Variants in SYT12 observed in about 807,000 individuals in gnomAD.
The protein encoded by SYT12 is synaptotagmin-12.
SYT12 carries 27 observed loss-of-function variants against 39.5 expected under a neutral mutation model. The ratio of observed to expected loss-of-function variants is 0.68; its 90% confidence interval spans 0.50 to 0.94. The LOEUF is 0.94. Among genes scored for constraint, SYT12 ranks in the 40% least tolerant of loss-of-function variants. The probability of loss-of-function intolerance (pLI) is 0.00; values close to 1 mark genes in which losing one functional copy is unlikely to be tolerated. For missense variants in SYT12, 536 were observed against 572.6 expected (o/e 0.94, Z 0.65); for synonymous variants, 233 against 239.7 (o/e 0.97, Z 0.26).
At chr11:67,025,714 T>G (rs953146143) in intron 1 of SYT12, among the ~76,000 whole-genome samples, 1 of 152,094 alleles carries the variant, frequency 6.6e-6, no homozygotes, top group Non-Finnish European at 1.5e-5. Context: ...CAGCAGCACT[T>G]GCGGCTTGGT....
chr11:67,047,390 C>T (rs1326471257), intron 7 of SYT12, among the ~76,000 whole-genome samples: 1 of 150,460 alleles, frequency 6.6e-6, no homozygotes, highest in Non-Finnish European at 1.5e-5. Flanking sequence ...GCCTCAGCCT[C>T]CCGAGTAGCT....
rs531124034 is a variant in SYT12, at chr11:67,011,808, C to G, written c.-69+814C>G. Among the ~76,000 whole-genome samples the G allele has an allele frequency of 4.1e-3, 620 of 151,942 alleles. 2 individuals carry two copies. Among genetic ancestry groups the G allele is most frequent in the Non-Finnish European group, 6.2e-3 (423 of 67,934 alleles). On this transcript the variant is annotated intron_variant, in intron 3 of 10. Coordinates refer to the SYT12 transcript ENST00000393946. ...TGAGACAGAGTCTTGCTCTGTCGCC[C>G]AGGCTGGAGTGCAGTGGCACAATCT... is the stretch of plus-strand genomic sequence containing the variant.
At chr11:67,036,045 GCT>G (rs1950375305) in intron 3 of SYT12, among the ~76,000 whole-genome samples, 1 of 151,384 alleles carries the variant, frequency 6.6e-6, no homozygotes, top group Non-Finnish European at 1.5e-5. Context: ...CTCCTGAGTA[GCT>G]GGGATTACAG....
rs2136239991 is a variant in SYT12, at chr11:67,050,252, A to T, written c.*1495A>T. On this transcript the variant is annotated 3_prime_UTR_variant, in exon 8 of 8. Transcript: ENST00000527043. The stretch of plus-strand genomic sequence containing the variant: ...CCCCAGCCTGGTGTCCCGCAGTCCC[A>T]GGAAGCCGCTTCTTGCCTTCATGGC... The T allele has an allele frequency of 6.6e-6, 1 of 152,554 alleles. No homozygotes were observed. Among genetic ancestry groups the T allele is most frequent in the Non-Finnish European group, 1.5e-5 (1 of 68,252 alleles). The allele number at this position is 152,554 out of a possible 1,614,324, so 9.5% of individuals were successfully genotyped here.
rs373112616 is a variant in SYT12 at position 67,038,042 on chromosome 11, C to CAA, written c.229-1754_229-1753dup. Among the ~76,000 whole-genome samples, 53 of 98,212 alleles carry CAA rather than the reference C, an allele frequency of 5.4e-4. 1 individual carries two copies. Among genetic ancestry groups the CAA allele is most frequent in the Admixed American group, 9.8e-4 (10 of 10,236 alleles). The allele number at this position is 98,212 out of a possible 152,430, so 64.4% of individuals were successfully genotyped here. A position where few individuals can be genotyped will look rare whatever the true frequency, so the allele number is the denominator to read the frequency against. ...ACCCTGGGCAAGTGAGACCCTGTCT[C>CAA]AAAAAAAAAAAAAAAATTATGGTAA... is the stretch of plus-strand genomic sequence containing the variant. On this transcript the variant is annotated intron_variant, in intron 3 of 7. Transcript: ENST00000527043.
intron 3 of SYT12, among the ~76,000 whole-genome samples, chr11:67,012,807 C>T (rs112587491): frequency 4.0e-4 from 61 of 152,140 alleles, no homozygotes; most frequent in African/African-American, 1.5e-3. Flanking sequence ...AGAAACTAAT[C>T]CAAGGTCACA....
chr11:67,035,790 T>TTTTCTTCCTTCCTTCCTTCCTTCC (rs1491375358), intron 3 of SYT12, among the ~76,000 whole-genome samples: 5 of 73,172 alleles, frequency 6.8e-5, no homozygotes, highest in African/African-American at 3.0e-4. Flanking sequence ...TTTTCTTTTC[T>TTTTCTTCCTTCCTTCCTTCCTTCC]TTCCTTCCTT....
At chr11:67,044,837 C>A in intron 6 of SYT12, 124 bp downstream of exon 6, 1 of 1,417,282 alleles carries the variant, frequency 7.1e-7, no homozygotes, top group Non-Finnish European at 9.6e-7. Flanking sequence ...TCCCCCTCAG[C>A]TTTGCTGAGC....
At chr11:67,022,005 C>G (rs1172328296), upstream of SYT12, 1 of 151,460 alleles carries the variant, frequency 6.6e-6, no homozygotes, top group African/African-American at 2.4e-5. Context: ...GCTCCGCCTC[C>G]TGGGTTCACG....
At chr11:67,031,542 A>G (rs903116745) in intron 2 of SYT12, 12 of 152,246 alleles carry the variant, frequency 7.9e-5, no homozygotes, top group African/African-American at 2.7e-4. Flanking sequence ...CTGGCAAATC[A>G]TAAATAGTAA....
At chr11:67,042,583 C>T (rs1169984597) in intron 4 of SYT12, among the ~76,000 whole-genome samples, 2 of 152,208 alleles carry the variant, frequency 1.3e-5, no homozygotes, top group Non-Finnish European at 2.9e-5. Flanking sequence ...GTTCCATCCT[C>T]CTCCACCCAT....
intron 3 of SYT12, among the ~76,000 whole-genome samples, chr11:67,015,439 G>A (rs1950050279): frequency 6.6e-6 from 1 of 152,216 alleles, no homozygotes; most frequent in Non-Finnish European, 1.5e-5. Context: ...GCTTCCAGGG[G>A]CCACATCTTT....
Position 67,049,008 on chromosome 11 carries a change from G to A in SYT12, c.*251G>A, listed in dbSNP as rs1854668130. ...GGGCCAGGACAGAGGACTCAACCCT[G>A]CTCCTCCCGGTAGGCCAGCTGCCGA... On this transcript the variant is annotated 3_prime_UTR_variant, in exon 8 of 8. Coordinates refer to ENST00000527043, the MANE Select transcript of SYT12 (RefSeq NM_177963.4). The A allele has an allele frequency of 4.9e-6, 2 of 412,346 alleles. No homozygotes were observed. Among genetic ancestry groups the A allele is most frequent in the East Asian group, 3.5e-5 (1 of 28,390 alleles). 25.5% of individuals were successfully genotyped at this position (412,346 alleles called of 1,614,324 possible). A position where few individuals can be genotyped will look rare whatever the true frequency, so the allele number is the denominator to read the frequency against.
chr11:67,021,413 A>G (rs1950108839), upstream of SYT12, among the ~76,000 whole-genome samples: 1 of 151,924 alleles, frequency 6.6e-6, no homozygotes, highest in Non-Finnish European at 1.5e-5. Context: ...GGTTCAAGCA[A>G]TTCTTTTCCC....
intron 7 of SYT12, among the ~76,000 whole-genome samples, chr11:67,046,336 G>T (rs1347643136): frequency 6.6e-6 from 1 of 152,240 alleles, no homozygotes; most frequent in South Asian, 2.1e-4. Context: ...ACCTCTCCCA[G>T]CAGGGACATC....
intron 3 of SYT12, among the ~76,000 whole-genome samples, chr11:67,037,969 C>T (rs1950415782): frequency 6.7e-6 from 1 of 148,452 alleles, no homozygotes; most frequent in East Asian, 2.0e-4. Context: ...GGGGGAGGAT[C>T]GCTTGGGCCC....
At chr11:67,027,103 T>G (rs1950191403) in intron 1 of SYT12, 1 of 152,248 alleles carries the variant, frequency 6.6e-6, no homozygotes, top group Non-Finnish European at 1.5e-5. Context: ...CTACAAACCC[T>G]GTGCTCAGGA....
chr11:67,035,837 C>CCTTCCTTCCTTTCTTT (rs1412426648), intron 3 of SYT12, among the ~76,000 whole-genome samples: 19 of 111,142 alleles, frequency 1.7e-4, no homozygotes, highest in African/African-American at 5.2e-4. Flanking sequence ...TTCCTTCCTT[C>CCTTCCTTCCTTTCTTT]CTTTCTTTCT....
At chr11:67,011,697 C>T (rs1950014318) in intron 3 of SYT12, among the ~76,000 whole-genome samples, 1 of 152,128 alleles carries the variant, frequency 6.6e-6, no homozygotes. Flanking sequence ...TGTCTTTTCC[C>T]ACCCACCTTG....
Sources: gnomAD v4.1 joint callset for allele counts (sites outside exome capture counted in the v4.1 genomes callset) on GRCh38, gnomAD v4.1.1 for gene constraint, MANE v1.5 for transcripts, NCBI Gene and HGNC (gene_info 2026-07-23, HGNC 2026-07-21) for gene names.